Variants in HHIPL1 observed in about 807,000 individuals in gnomAD.
HHIPL1 encodes HHIP-like protein 1.
A neutral mutation model predicts 61.8 loss-of-function variants in HHIPL1; 43 were observed. The observed-to-expected ratio is 0.70, with a 90% confidence interval of 0.55 to 0.90. The LOEUF (loss-of-function observed/expected upper bound fraction) is 0.90, where lower values mean the gene tolerates loss of function less well. Among genes scored for constraint, HHIPL1 ranks in the 40% least tolerant of loss-of-function variants. The probability of loss-of-function intolerance (pLI) is 0.00; values close to 1 mark genes in which losing one functional copy is unlikely to be tolerated. For synonymous variants in HHIPL1, 482 were observed against 515.8 expected (o/e 0.93, Z 0.89); for missense variants, 1,056 against 1,157.7 (o/e 0.91, Z 1.28).
the HHIPL1 span, among the ~76,000 whole-genome samples, chr14:99,614,111 T>A: frequency 6.6e-6 from 1 of 152,044 alleles, no homozygotes; most frequent in Non-Finnish European, 1.5e-5. Flanking sequence ...AGCCTCTGGA[T>A]CAGGACCGGA....
At chr14:99,641,480 C>A (rs1309717667), upstream of HHIPL1, among the ~76,000 whole-genome samples, 2 of 151,064 alleles carry the variant, frequency 1.3e-5, no homozygotes, top group East Asian at 3.9e-4. Context: ...ATGGTGCAAT[C>A]CCAGCTCACT....
At chr14:99,651,358 G>A (rs532246030) in intron 1 of HHIPL1, among the ~76,000 whole-genome samples, 4 of 152,318 alleles carry the variant, frequency 2.6e-5, no homozygotes, top group Non-Finnish European at 5.9e-5. Flanking sequence ...GTATAGGAAG[G>A]ATAGTGGCCT....
chr14:99,641,394 G>A (rs2055749627), upstream of HHIPL1, among the ~76,000 whole-genome samples: 1 of 149,438 alleles, frequency 6.7e-6, no homozygotes, highest in African/African-American at 2.5e-5. Context: ...CTGTCTCTTG[G>A]TTGCCTGGTT....
At chr14:99,608,283 T>C in the HHIPL1 span, among the ~76,000 whole-genome samples, 2 of 152,054 alleles carry the variant, frequency 1.3e-5, no homozygotes, top group Non-Finnish European at 2.9e-5. Flanking sequence ...AGCTCTGATA[T>C]CTAATAATAA....
At chr14:99,644,662 G>A (rs2055797558), upstream of HHIPL1, among the ~76,000 whole-genome samples, 1 of 152,148 alleles carries the variant, frequency 6.6e-6, no homozygotes. Flanking sequence ...AAGGGCAAAG[G>A]GTGGACTGCG....
chr14:99,650,098 C>T (rs1307391413), intron 1 of HHIPL1, among the ~76,000 whole-genome samples: 2 of 152,256 alleles, frequency 1.3e-5, no homozygotes, highest in Non-Finnish European at 2.9e-5. Flanking sequence ...GAGACCTAGC[C>T]TCACAGCAGT....
At chr14:99,665,725 T>C (rs1229402851) in intron 6 of HHIPL1, among the ~76,000 whole-genome samples, 2 of 152,208 alleles carry the variant, frequency 1.3e-5, no homozygotes, top group African/African-American at 4.8e-5. Context: ...TGAGCCACCA[T>C]ATCTGACCCA....
Position 99,660,459 on chromosome 14 carries a change from A to T in HHIPL1, c.1502+53A>T. ...TGGCTGCTGCCACTGGCTCCTTGGG[A>T]CTGGCTCCTTGGTAAAGGGGAGTGT... On this transcript the variant is annotated intron_variant, in intron 5 of 8. Coordinates refer to ENST00000330710, the MANE Select transcript of HHIPL1 (RefSeq NM_001127258.3). The surrounding 1 kb of genome is among the most constrained non-coding windows in gnomAD (Gnocchi z 4.9). 1.9e-6 allele frequency: 3 copies of T among 1,578,864 alleles called. No homozygotes were observed. The Admixed American group carries it at 5.2e-5, about 27-fold the overall frequency.
Position 99,679,832 on chromosome 14 carries a change from A to G in HHIPL1, c.*4206A>G, listed in dbSNP as rs2056423435. The G allele has an allele frequency of 6.6e-6, 1 of 152,264 alleles. No homozygotes were observed. The highest frequency in any genetic ancestry group is 2.1e-4 in the South Asian group (1 of 4,830). The allele number at this position is 152,264 out of a possible 1,614,324, so 9.4% of individuals were successfully genotyped here. A position where few individuals can be genotyped will look rare whatever the true frequency, so the allele number is the denominator to read the frequency against. ...TGAGGAGGGGCATGCCACGTGAAGG[A>G]CCAGCATCAGAATGACATGGGAAGA... On this transcript the variant is annotated 3_prime_UTR_variant, in exon 9 of 9. Coordinates refer to ENST00000330710, the MANE Select transcript of HHIPL1 (RefSeq NM_001127258.3).
the HHIPL1 span, among the ~76,000 whole-genome samples, chr14:99,621,864 T>C: frequency 1.3e-5 from 2 of 151,970 alleles, no homozygotes; most frequent in African/African-American, 4.8e-5. Flanking sequence ...CACAGGTACG[T>C]GCCACCATGC....
chr14:99,655,885 G>A (rs1260689110), intron 2 of HHIPL1, among the ~76,000 whole-genome samples: 2 of 152,186 alleles, frequency 1.3e-5, no homozygotes, highest in Non-Finnish European at 2.9e-5. Context: ...AAGATGGCTG[G>A]GTGGAAACCC....
chr14:99,612,581 C>T, the HHIPL1 span, among the ~76,000 whole-genome samples: 1 of 152,204 alleles, frequency 6.6e-6, no homozygotes, highest in Non-Finnish European at 1.5e-5. Flanking sequence ...CATCAAGTGA[C>T]AGATTCCAGG....
chr14:99,610,467 GA>G, the HHIPL1 span, among the ~76,000 whole-genome samples: 2 of 152,134 alleles, frequency 1.3e-5, no homozygotes, highest in African/African-American at 2.4e-5. Flanking sequence ...TCCCTTATAA[GA>G]TAGTGTTTAG....
chr14:99,618,228 T>G, the HHIPL1 span, among the ~76,000 whole-genome samples: 1 of 152,160 alleles, frequency 6.6e-6, no homozygotes, highest in African/African-American at 2.4e-5. Context: ...TGGCACCAAC[T>G]GGGGCTGCAC....
At position 99,652,643 on chromosome 14, in the gene HHIPL1, C is replaced by G; in HGVS notation, c.675C>G (p.Arg225=). The part of the protein sequence containing the change: ...VGLVWAYLPD[R]SRLGKPFLNI... ...TGGTGTGGGCCTACCTGCCCGACCG[C>G]TCGAGGCTGGGGAAGCCTTTCCTGA... is the stretch of plus-strand genomic sequence containing the variant. The change falls in exon 2 of 9, where the codon CGC becomes CGG. Residue 225 remains arginine, a synonymous_variant. Coordinates refer to ENST00000330710, the MANE Select transcript of HHIPL1 (RefSeq NM_001127258.3). The G allele has an allele frequency of 6.2e-7, 1 of 1,613,588 alleles. No homozygotes were observed. The highest frequency in any genetic ancestry group is 8.5e-7 in the Non-Finnish European group (1 of 1,179,830).
intron 6 of HHIPL1, among the ~76,000 whole-genome samples, chr14:99,667,405 G>A (rs1346696081): frequency 1.3e-5 from 2 of 152,074 alleles, no homozygotes; most frequent in Non-Finnish European, 2.9e-5. Context: ...GGGTTGGGAG[G>A]GAGGATTGGA....
intron 2 of HHIPL1, 124 bp downstream of exon 2, chr14:99,652,994 G>C: frequency 1.0e-6 from 1 of 979,794 alleles, no homozygotes; most frequent in South Asian, 1.7e-5. Context: ...TGGGGGTGCT[G>C]AATTTCATGC....
the HHIPL1 span, among the ~76,000 whole-genome samples, chr14:99,613,274 T>A: frequency 6.6e-6 from 1 of 151,976 alleles, no homozygotes; most frequent in Non-Finnish European, 1.5e-5. Context: ...TTTAGTTTTT[T>A]TTTTTAATAA....
At chr14:99,665,099 T>A (rs1335877511) in intron 6 of HHIPL1, among the ~76,000 whole-genome samples, 1 of 151,548 alleles carries the variant, frequency 6.6e-6, no homozygotes, top group East Asian at 1.9e-4. Context: ...AATTTTTGTA[T>A]TTTTTTTAGT....
Sources: gnomAD v4.1 joint callset for allele counts (sites outside exome capture counted in the v4.1 genomes callset) on GRCh38, gnomAD v4.1.1 for gene constraint, Gnocchi (gnomAD v3.1) non-coding constraint, MANE v1.5 for transcripts, NCBI Gene and HGNC (gene_info 2026-07-23, HGNC 2026-07-21) for gene names.